Variants in MBTD1 observed in about 807,000 individuals in gnomAD.
MBTD1 encodes MBT domain-containing protein 1.
MBTD1 carries 24 observed loss-of-function variants against 87.8 expected under a neutral mutation model. That is an observed-to-expected ratio of 0.27 (90% confidence interval 0.20 to 0.38). MBTD1 has a LOEUF of 0.38. Ranked by LOEUF, MBTD1 falls within the 10% of genes least tolerant of loss-of-function variation. The pLI, the probability that MBTD1 is intolerant of heterozygous loss-of-function variation, is 1.00. For missense variants in MBTD1, 436 were observed against 760.2 expected, an observed-to-expected ratio of 0.57 and a Z score of 5.02; for synonymous variants, 237 against 248.6, an observed-to-expected ratio of 0.95 and a Z score of 0.44.
intron 12 of MBTD1, among the ~76,000 whole-genome samples, chr17:51,200,908 C>G (rs564726573): frequency 6.6e-6 from 1 of 151,692 alleles, no homozygotes; most frequent in East Asian, 1.9e-4. Flanking sequence ...TGCCTATAAT[C>G]CTAGCACTTT....
chr17:51,242,861 C>T (rs1309389806), intron 2 of MBTD1, among the ~76,000 whole-genome samples: 2 of 152,098 alleles, frequency 1.3e-5, no homozygotes, highest in Admixed American at 6.6e-5. Flanking sequence ...TTCCTCTCTC[C>T]TGTGTTTTTG....
At chr17:51,260,442 G>A (rs8069804), upstream of MBTD1, 161,843 of 870,754 alleles carry the variant, frequency 0.19, 15,961 homozygotes, top group Admixed American at 0.25. Flanking sequence ...TTACGTAGAG[G>A]GAGGGAGTGC....
rs185259836 is a variant in MBTD1 at position 51,191,286 on chromosome 17, A to C, written c.1768+917T>G. On this transcript the variant is annotated intron_variant, in intron 16 of 16. Transcript: ENST00000586178. ...TTTTTTTTTTTTTTTTTCGAGATGG[A>C]GTTTTGCTCTTGTTGCCCAGGCTAG... 8.5e-3 allele frequency among the ~76,000 whole-genome samples: 1,113 copies of C among 131,114 alleles called. 14 individuals are homozygous for C. The highest frequency in any genetic ancestry group is 0.032 in the African/African-American group (1,057 of 32,924). The allele number at this position is 131,114 out of a possible 152,430, so 86.0% of individuals were successfully genotyped here.
At chr17:51,253,379 T>C (rs2144241612) in intron 2 of MBTD1, among the ~76,000 whole-genome samples, 1 of 152,316 alleles carries the variant, frequency 6.6e-6, no homozygotes, top group East Asian at 1.9e-4. Context: ...TGTAGAAGGA[T>C]GTTTGCTAAT....
chr17:51,185,456 A>G (rs1291611353), intron 16 of MBTD1: 1 of 152,218 alleles, frequency 6.6e-6, no homozygotes, highest in Non-Finnish European at 1.5e-5. Context: ...CTCGAATCAA[A>G]TGCCACTGAC....
At chr17:51,234,281 G>A (rs900457096) in intron 2 of MBTD1, among the ~76,000 whole-genome samples, 4 of 150,880 alleles carry the variant, frequency 2.7e-5, no homozygotes, top group South Asian at 2.1e-4. Context: ...TAATCCCAGC[G>A]ACTCAGGAGG....
chr17:51,212,921 G>A (rs778930700), intron 6 of MBTD1, among the ~76,000 whole-genome samples: 5 of 152,120 alleles, frequency 3.3e-5, no homozygotes, highest in South Asian at 2.1e-4. Flanking sequence ...GTAGAGACGG[G>A]GTTTCACCAT....
chr17:51,179,497 T>C lies in MBTD1; in HGVS notation c.*1079A>G, dbSNP rs1598262778. Reference sequence around the variant, plus strand: ...TTAAAGACAATTTTATATATATATATATATATATATATATATATATATATA... The same window carrying C: ...TTAAAGACAATTTTATATATATATACATATATATATATATATATATATATA... On this transcript the variant is annotated 3_prime_UTR_variant, in exon 17 of 17. Coordinates refer to ENST00000586178, the MANE Select transcript of MBTD1 (RefSeq NM_017643.3). The C allele has an allele frequency of 1.8e-5, 1 of 55,528 alleles. No homozygotes were observed. Among genetic ancestry groups the C allele is most frequent in the African/African-American group, 7.2e-5 (1 of 13,850 alleles). The allele number at this position is 55,528 out of a possible 1,614,324, so 3.4% of individuals were successfully genotyped here.
Position 51,178,332 on chromosome 17 carries a change from G to A in MBTD1, c.*2244C>T, listed in dbSNP as rs549585967. On this transcript the variant is annotated 3_prime_UTR_variant, in exon 17 of 17. Coordinates refer to ENST00000586178, the MANE Select transcript of MBTD1 (RefSeq NM_017643.3). ...ACCAACCTTCAACTGTTGGTCACGG[G>A]ATCAAGACAAGAAACACTTCATGAA... 18 of 152,304 alleles carry A rather than the reference G, an allele frequency of 1.2e-4. No homozygotes were observed. The highest frequency in any genetic ancestry group is 3.4e-3 in the Middle Eastern group (1 of 294). 9.4% of individuals were successfully genotyped at this position (152,304 alleles called of 1,614,324 possible). A position where few individuals can be genotyped will look rare whatever the true frequency, so the allele number is the denominator to read the frequency against.
Position 51,259,865 on chromosome 17 carries a change from A to C in MBTD1, c.-143T>G, listed in dbSNP as rs2055366782. 2.4e-6 allele frequency: 3 copies of C among 1,231,624 alleles called. No homozygotes were observed. The East Asian group carries it at 9.5e-5, about 39-fold the overall frequency. 76.3% of individuals were successfully genotyped at this position (1,231,624 alleles called of 1,614,324 possible). Reference sequence around the variant, plus strand: ...CCTTTGTGTTTTCCATCAGGGCCTCATGGGTAGGGGTTGTCCGTGCTCCCC... The same window carrying C: ...CCTTTGTGTTTTCCATCAGGGCCTCCTGGGTAGGGGTTGTCCGTGCTCCCC... On this transcript the variant is annotated 5_prime_UTR_variant, in exon 1 of 17. The change abolishes an upstream ATG in the 5' untranslated region. Coordinates refer to ENST00000586178, the MANE Select transcript of MBTD1 (RefSeq NM_017643.3).
At chr17:51,259,350 C>T in intron 1 of MBTD1, 144 bp from the exon 2 acceptor site, 1 of 897,108 alleles carries the variant, frequency 1.1e-6, no homozygotes, top group Non-Finnish European at 1.5e-6. Context: ...CACCCCGCCC[C>T]CTTTCAATAT....
intron 2 of MBTD1, among the ~76,000 whole-genome samples, chr17:51,243,956 C>T (rs1295799611): frequency 6.6e-6 from 1 of 152,166 alleles, no homozygotes; most frequent in Admixed American, 6.5e-5. Flanking sequence ...TACATTTGTC[C>T]TCAGGAAATT....
rs918958932 is a variant in MBTD1 at position 51,177,662 on chromosome 17, T to A, written c.*2914A>T. 1 of 152,168 alleles carries A rather than the reference T, an allele frequency of 6.6e-6. No individual in the cohort carries two copies. The allele number at this position is 152,168 out of a possible 1,614,324, so 9.4% of individuals were successfully genotyped here. ...ACGAGTTACCAAGAAAATAAAAGATTAAATTTGTACAGATATTGATCTATA... is the reference window on the plus strand; with the variant it reads ...ACGAGTTACCAAGAAAATAAAAGATAAAATTTGTACAGATATTGATCTATA... On this transcript the variant is annotated 3_prime_UTR_variant, in exon 17 of 17. Coordinates refer to ENST00000586178, the MANE Select transcript of MBTD1 (RefSeq NM_017643.3).
chr17:51,182,628 G>A (rs79400999), intron 16 of MBTD1, among the ~76,000 whole-genome samples: 18,183 of 152,158 alleles, frequency 0.12, 1,836 homozygotes, highest in African/African-American at 0.27. Flanking sequence ...AGAGCTCACT[G>A]CCCAGGTTGC....
chr17:51,240,526 T>C lies in MBTD1; in HGVS notation c.-48-15317A>G, dbSNP rs138187434. Among the ~76,000 whole-genome samples the C allele has an allele frequency of 1.2e-3, 176 of 152,316 alleles. 1 individual carries two copies. Among genetic ancestry groups the C allele is most frequent in the African/African-American group, 4.2e-3 (173 of 41,578 alleles). ...AATTTGTCTGATAGTTTCTTCATTA[T>C]CAGGCTGGGGTTATGTTTTTGGCAG... On this transcript the variant is annotated intron_variant, in intron 2 of 16. Transcript: ENST00000586178.
intron 3 of MBTD1, among the ~76,000 whole-genome samples, chr17:51,222,004 G>T (rs1459441765): frequency 6.6e-6 from 1 of 152,112 alleles, no homozygotes; most frequent in African/African-American, 2.4e-5. Flanking sequence ...AAACTAAACG[G>T]TTTTCTGTTG....
At chr17:51,221,934 G>A (rs1217053336) in intron 3 of MBTD1, among the ~76,000 whole-genome samples, 1 of 152,046 alleles carries the variant, frequency 6.6e-6, no homozygotes, top group Non-Finnish European at 1.5e-5. Flanking sequence ...GAGAAATCAT[G>A]GAAAAAAGAT....
At chr17:51,211,556 A>G (rs9915264) in intron 6 of MBTD1, among the ~76,000 whole-genome samples, 77,142 of 150,640 alleles carry the variant, frequency 0.51, 20,109 homozygotes, top group South Asian at 0.65. Flanking sequence ...GTTAGAGTCC[A>G]CTGCTTTCCC....
rs928430142 is a variant in MBTD1 at position 51,256,599 on chromosome 17, A to G, written c.-49+2544T>C. 9.2e-5 allele frequency: 14 copies of G among 152,218 alleles called. 1 individual carries two copies. The highest frequency in any genetic ancestry group is 1.3e-4 in the Admixed American group (2 of 15,282). 9.4% of individuals were successfully genotyped at this position (152,218 alleles called of 1,614,324 possible). A position where few individuals can be genotyped will look rare whatever the true frequency, so the allele number is the denominator to read the frequency against. On this transcript the variant is annotated intron_variant, in intron 2 of 16. Transcript: ENST00000586178. ...AGTTATGCTTAGAAAACAGTGTTCT[A>G]TGTGTGTATGTCCAGTATGCCAGAC...
Sources: gnomAD v4.1 joint callset for allele counts (sites outside exome capture counted in the v4.1 genomes callset) on GRCh38, gnomAD v4.1.1 for gene constraint, MANE v1.5 for transcripts, NCBI Gene and HGNC (gene_info 2026-07-23, HGNC 2026-07-21) for gene names.